Variants in ATP10D observed in about 807,000 individuals in gnomAD.
ATP10D encodes phospholipid-transporting ATPase VD.
A neutral mutation model predicts 144.8 loss-of-function variants in ATP10D; 89 were observed. The observed-to-expected ratio is 0.61, with a 90% CI of 0.52 to 0.73. The LOEUF is 0.73. Among genes scored for constraint, ATP10D ranks in the 30% least tolerant of loss-of-function variants. The pLI, the probability that ATP10D is intolerant of heterozygous loss-of-function variation, is 0.00. For synonymous variants in ATP10D, 571 were observed against 615.1 expected (o/e 0.93, Z 1.06); for missense variants, 1,603 against 1,714.8 (o/e 0.93, Z 1.15).
chr4:47,517,650 T>G (rs73237076), intron 3 of ATP10D, among the ~76,000 whole-genome samples: 41,983 of 151,952 alleles, frequency 0.28, 6,360 homozygotes, highest in Admixed American at 0.35. Context: ...CCGTTATGAT[T>G]ATTATTATAG....
chr4:47,567,782 T>C (rs1252666414), intron 15 of ATP10D, among the ~76,000 whole-genome samples: 1 of 152,240 alleles, frequency 6.6e-6, no homozygotes, highest in Non-Finnish European at 1.5e-5. Context: ...TTATAGTTTT[T>C]GTGCTGTTTC....
At chr4:47,572,033 G>C in intron 16 of ATP10D, 121 bp from the exon 17 acceptor site, 1 of 888,396 alleles carries the variant, frequency 1.1e-6, no homozygotes, top group Non-Finnish European at 1.8e-6. Context: ...AGGAAACTTG[G>C]AGAACGGGAT....
At chr4:47,576,405 A>G (rs1206176077) in intron 18 of ATP10D, among the ~76,000 whole-genome samples, 1 of 152,174 alleles carries the variant, frequency 6.6e-6, no homozygotes, top group African/African-American at 2.4e-5. Flanking sequence ...TGGGATTAAC[A>G]TTCAGTTGAT....
At position 47,591,539 on chromosome 4, in the gene ATP10D, T is replaced by A; in HGVS notation, c.*158T>A. Reference sequence around the variant, plus strand: ...TGATGAGCATTATTGTATGTTTGTATATACATTTGTGATAGAGGGCTAGAG... The same window carrying A: ...TGATGAGCATTATTGTATGTTTGTAAATACATTTGTGATAGAGGGCTAGAG... On this transcript the variant is annotated 3_prime_UTR_variant, in exon 23 of 23. Coordinates refer to ENST00000273859, the MANE Select transcript of ATP10D (RefSeq NM_020453.4). 1 of 577,224 alleles carries A rather than the reference T, an allele frequency of 1.7e-6. No individual in the cohort carries two copies. Among genetic ancestry groups the A allele is most frequent in the South Asian group, 2.9e-5 (1 of 34,890 alleles). 35.8% of individuals were successfully genotyped at this position (577,224 alleles called of 1,614,324 possible). A position where few individuals can be genotyped will look rare whatever the true frequency, so the allele number is the denominator to read the frequency against.
intron 19 of ATP10D, 96 bp downstream of exon 19, chr4:47,577,069 C>A: frequency 9.5e-7 from 1 of 1,052,262 alleles, no homozygotes; most frequent in Non-Finnish European, 1.4e-6. Context: ...CTACTCAGAA[C>A]TGTTTGAAAT....
intron 1 of ATP10D, among the ~76,000 whole-genome samples, chr4:47,511,657 A>G (rs1409258820): frequency 6.6e-6 from 1 of 152,214 alleles, no homozygotes; most frequent in African/African-American, 2.4e-5. Context: ...GCACCCCAAA[A>G]CTTAATGACA....
At chr4:47,569,576 T>C (rs1016131510) in intron 16 of ATP10D, among the ~76,000 whole-genome samples, 2 of 152,168 alleles carry the variant, frequency 1.3e-5, no homozygotes, top group Non-Finnish European at 2.9e-5. Flanking sequence ...GGAATGGAGA[T>C]ACAAGAGTAT....
rs10212763 is a variant in ATP10D, at chr4:47,560,882, G to A, written c.2542-67G>A. On this transcript the variant is annotated intron_variant, in intron 13 of 22. Coordinates refer to ENST00000273859, the MANE Select transcript of ATP10D (RefSeq NM_020453.4). ...TTGATGGTTTGATATTTTGCCAGAG[G>A]TCAGTCCTGGTATTCCCACAAGATC... is the stretch of plus-strand genomic sequence containing the variant. 7,936 of 1,587,854 alleles carry A rather than the reference G, an allele frequency of 5.0e-3. 286 individuals carry two copies. The African/African-American group carries it at 0.084, about 17-fold the overall frequency.
Position 47,592,791 on chromosome 4 carries a change from G to A in ATP10D, c.*1410G>A, listed in dbSNP as rs1404290380. The A allele has an allele frequency of 6.6e-6, 1 of 152,430 alleles. No individual in the cohort carries two copies. The highest frequency in any genetic ancestry group is 1.5e-5 in the Non-Finnish European group (1 of 67,952). The allele number at this position is 152,430 out of a possible 1,614,324, so 9.4% of individuals were successfully genotyped here. On this transcript the variant is annotated 3_prime_UTR_variant, in exon 23 of 23. Coordinates refer to ENST00000273859, the MANE Select transcript of ATP10D (RefSeq NM_020453.4). ...ATAGTCTCTTACATAAGCTGATTTC[G>A]AGAACTTTCAAAATCTCACATAGCT...
At chr4:47,551,639 G>T (rs1030730208) in intron 10 of ATP10D, among the ~76,000 whole-genome samples, 1 of 152,192 alleles carries the variant, frequency 6.6e-6, no homozygotes, top group Non-Finnish European at 1.5e-5. Context: ...AATAAGATAT[G>T]GTCCTTACTT....
At chr4:47,537,451 T>A (rs901879130) in intron 9 of ATP10D, among the ~76,000 whole-genome samples, 3 of 152,158 alleles carry the variant, frequency 2.0e-5, no homozygotes, top group African/African-American at 7.2e-5. Context: ...TTATTAATTT[T>A]GCAGTTTATA....
In ATP10D at chr4:47,568,852, C is replaced by G; in HGVS notation, c.2869C>G (p.Leu957Val). Residue 957 changes from leucine to valine, a missense_variant, in exon 16 of 23, where the codon CTG (leucine) becomes GTG (valine). Coordinates refer to ENST00000273859, the MANE Select transcript of ATP10D (RefSeq NM_020453.4). Reference sequence around the variant, plus strand: ...TTGTTTCAAGGATGCCTGTGGGATGCTGATGAGCACAATTTTGAAAGAACT... The same window carrying G: ...TTGTTTCAAGGATGCCTGTGGGATGGTGATGAGCACAATTTTGAAAGAACT... ...NTQSKDACGM[L>V]MSTILKELQK... The G allele has an allele frequency of 6.2e-7, 1 of 1,613,772 alleles. No homozygotes were observed. Among genetic ancestry groups the G allele is most frequent in the Middle Eastern group, 1.7e-4 (1 of 6,060 alleles).
chr4:47,572,174 A>C lies in ATP10D; in HGVS notation c.3184A>C (p.Ser1062Arg). 1 of 1,614,092 alleles carries C rather than the reference A, an allele frequency of 6.2e-7. No individual in the cohort carries two copies. ...TGAAGGTGATGGTGCCAATGATGTT[A>C]GCATGATACAAGTGGCAGACATTGG... is the stretch of plus-strand genomic sequence containing the variant. ...LAIGDGANDV[S>R]MIQVADIGIG... Residue 1062 changes from serine (S) to arginine (R), a missense_variant, in exon 17 of 23, where the codon AGC becomes CGC. Physicochemically the swap from Ser to Arg is moderately radical, Grantham distance 110. Coordinates refer to ENST00000273859, the MANE Select transcript of ATP10D (RefSeq NM_020453.4).
In ATP10D at chr4:47,591,108, C is replaced by G. The variant is rs765197408; in HGVS notation, c.4008C>G (p.Asp1336Glu). The change falls in exon 23 of 23, where the codon GAC becomes GAG. Residue 1336 changes from aspartate to glutamate, a missense_variant. Physicochemically the swap from Asp to Glu is conservative, Grantham distance 45. Transcript: ENST00000273859. ...PSPILRAKHF[D>E]RLTPEERTKA... The stretch of plus-strand genomic sequence containing the variant: ...CAATTCTGAGAGCTAAGCACTTTGA[C>G]AGACTAACTCCAGAGGAGAGGACTA... 6.2e-7 allele frequency: 1 copy of G among 1,613,220 alleles called. No homozygotes were observed. The highest frequency in any genetic ancestry group is 1.1e-5 in the South Asian group (1 of 91,036).
chr4:47,508,147 G>A (rs530796530), intron 1 of ATP10D, among the ~76,000 whole-genome samples: 46 of 152,306 alleles, frequency 3.0e-4, no homozygotes, highest in Admixed American at 7.8e-4. Context: ...GTGGAATACA[G>A]TTCGTTCATG....
chr4:47,540,270 A>G (rs1275833534), intron 9 of ATP10D, among the ~76,000 whole-genome samples: 2 of 152,200 alleles, frequency 1.3e-5, no homozygotes, highest in East Asian at 3.8e-4. Context: ...GGTGAAGAAT[A>G]TTGCTGCTTG....
intron 10 of ATP10D, among the ~76,000 whole-genome samples, chr4:47,548,341 T>C (rs1718548758): frequency 6.6e-6 from 1 of 152,242 alleles, no homozygotes; most frequent in African/African-American, 2.4e-5. Flanking sequence ...ATTTATTTCT[T>C]TAAGAACTAA....
chr4:47,499,110 G>A (rs938318226), intron 1 of ATP10D, among the ~76,000 whole-genome samples: 1 of 152,144 alleles, frequency 6.6e-6, no homozygotes, highest in Non-Finnish European at 1.5e-5. Flanking sequence ...CTGAAGCTTG[G>A]CCACATACAT....
At position 47,546,771 on chromosome 4, in the gene ATP10D, A is replaced by G; in HGVS notation, c.1544A>G (p.Asn515Ser). Reference protein sequence around the residue: ...HNGPLGNKPSNHLAGSSFTLG... With the variant: ...HNGPLGNKPSSHLAGSSFTLG... ...GGGCCTTTGGGAAATAAGCCCTCAA[A>G]TCATCTTGCTGGGAGCTCTTTTACT... The change falls in exon 10 of 23, where the codon AAT (asparagine) becomes AGT (serine). Residue 515 changes from asparagine to serine, a missense_variant. By Grantham distance (46) the Asn-to-Ser change is conservative (BLOSUM62 1). Coordinates refer to ENST00000273859, the MANE Select transcript of ATP10D (RefSeq NM_020453.4). The G allele has an allele frequency of 1.9e-6, 3 of 1,614,040 alleles. No homozygotes were observed. Among genetic ancestry groups the G allele is most frequent in the Non-Finnish European group, 2.5e-6 (3 of 1,179,990 alleles).
Sources: allele counts gnomAD v4.1 joint callset (sites outside exome capture counted in the v4.1 genomes callset), GRCh38; gene constraint gnomAD v4.1.1; transcripts MANE v1.5; gene names NCBI Gene and HGNC (gene_info 2026-07-23, HGNC 2026-07-21).